PLXNA2: variants seen among roughly 807,000 people sequenced by gnomAD.
The protein encoded by PLXNA2 is plexin-A2.
In PLXNA2, 91 loss-of-function variants were observed where a neutral mutation model predicts 193.5. The ratio of observed to expected loss-of-function variants is 0.47; its 90% CI spans 0.40 to 0.56. The LOEUF (loss-of-function observed/expected upper bound fraction) is 0.56. Among genes scored for constraint, PLXNA2 ranks in the 20% least tolerant of loss-of-function variants. The pLI, the probability that PLXNA2 is intolerant of heterozygous loss-of-function variation, is 0.00. For missense variants in PLXNA2, 1,995 were observed against 2,503.2 expected (o/e 0.80, Z 4.33); for synonymous variants, 997 against 1,027.3 (o/e 0.97, Z 0.56).
chr1:208,152,054 CT>C (rs1409959470), intron 3 of PLXNA2, among the ~76,000 whole-genome samples: 1 of 152,210 alleles, frequency 6.6e-6, no homozygotes, highest in Non-Finnish European at 1.5e-5. Context: ...GGTTATTACT[CT>C]CTTTAATTAA....
intron 3 of PLXNA2, among the ~76,000 whole-genome samples, chr1:208,175,454 C>T (rs887101797): frequency 8.5e-5 from 13 of 152,140 alleles, no homozygotes; most frequent in African/African-American, 3.1e-4. Context: ...TGAACATGGA[C>T]ACAAAGGCTC....
chr1:208,169,814 TAC>T (rs955349617), intron 3 of PLXNA2, among the ~76,000 whole-genome samples: 2 of 152,088 alleles, frequency 1.3e-5, no homozygotes, highest in African/African-American at 4.8e-5. Flanking sequence ...ACTTATCTTC[TAC>T]AGTCTTGAGT....
At chr1:208,235,615 G>A (rs961939505) in intron 1 of PLXNA2, among the ~76,000 whole-genome samples, 6 of 152,162 alleles carry the variant, frequency 3.9e-5, no homozygotes, top group African/African-American at 1.2e-4. Flanking sequence ...GGTGAGCACC[G>A]GTCAACAGGT....
At chr1:208,074,651 C>T (rs60793800) in intron 12 of PLXNA2, among the ~76,000 whole-genome samples, 2,384 of 152,304 alleles carry the variant, frequency 0.016, 72 homozygotes, top group African/African-American at 0.054. Flanking sequence ...CGTGAGCCCA[C>T]TTCTTTTTCT....
intron 8 of PLXNA2, among the ~76,000 whole-genome samples, chr1:208,094,320 A>G (rs1571908606): frequency 6.6e-6 from 1 of 152,190 alleles, no homozygotes; most frequent in East Asian, 1.9e-4. Context: ...ACAGCAAATT[A>G]TTAAAAGGAG....
intron 1 of PLXNA2, among the ~76,000 whole-genome samples, chr1:208,219,692 GGCAGC>G (rs1671258921): frequency 6.6e-6 from 1 of 152,198 alleles, no homozygotes; most frequent in Non-Finnish European, 1.5e-5. Context: ...TCCTCGGCCT[GGCAGC>G]CACCGTGGTG....
intron 4 of PLXNA2, among the ~76,000 whole-genome samples, chr1:208,134,143 C>T: frequency 6.6e-6 from 1 of 152,128 alleles, no homozygotes; most frequent in East Asian, 1.9e-4. Context: ...AAATAAGAGG[C>T]TGGAGTTTTC....
chr1:208,054,199 C>T (rs980509645), intron 14 of PLXNA2, among the ~76,000 whole-genome samples: 2 of 152,272 alleles, frequency 1.3e-5, no homozygotes, highest in South Asian at 4.1e-4. Flanking sequence ...TCTGGGACTC[C>T]CAAGACTCCA....
chr1:208,102,695 C>A (rs1015756611), intron 5 of PLXNA2, among the ~76,000 whole-genome samples: 1 of 152,216 alleles, frequency 6.6e-6, no homozygotes, highest in African/African-American at 2.4e-5. Flanking sequence ...GAAACAGAGG[C>A]CTGGAGTTGT....
chr1:208,087,387 C>T (rs568859938), intron 9 of PLXNA2, among the ~76,000 whole-genome samples: 24 of 149,440 alleles, frequency 1.6e-4, no homozygotes, highest in African/African-American at 5.4e-4. Context: ...TTTATGAGTA[C>T]TATTACATGA....
At chr1:208,043,262 G>A in intron 20 of PLXNA2, 59 bp from the exon 21 acceptor site, 1 of 1,571,800 alleles carries the variant, frequency 6.4e-7, no homozygotes, top group South Asian at 1.1e-5. Context: ...GGAGGAGAAA[G>A]AGGGAGAAGA....
rs1402713075 is a variant in PLXNA2 at position 208,244,370 on chromosome 1, A to G, written c.-808T>C. On this transcript the variant is annotated 5_prime_UTR_variant, in exon 1 of 32. It removes an upstream start codon present in the reference 5' UTR. Coordinates refer to ENST00000367033, the MANE Select transcript of PLXNA2 (RefSeq NM_025179.4). ...TGAGCGCCGGCCTCCCTATTTCACC[A>G]TGCAGCTCATTATCATAGAGGCCGC... 3 of 172,456 alleles carry G rather than the reference A, an allele frequency of 1.7e-5. No individual in the cohort carries two copies. Among genetic ancestry groups the G allele is most frequent in the Non-Finnish European group, 3.6e-5 (3 of 83,580 alleles). 10.7% of individuals were successfully genotyped at this position (172,456 alleles called of 1,614,324 possible). A position where few individuals can be genotyped will look rare whatever the true frequency, so the allele number is the denominator to read the frequency against.
intron 1 of PLXNA2, among the ~76,000 whole-genome samples, chr1:208,238,132 T>TAGCC (rs1361791087): frequency 2.0e-5 from 3 of 151,382 alleles, no homozygotes; most frequent in Non-Finnish European, 2.9e-5. Context: ...CTAGGGTTCC[T>TAGCC]CTGTCAGAAG....
chr1:208,230,230 G>A (rs1382538542), intron 1 of PLXNA2: 2 of 152,388 alleles, frequency 1.3e-5, no homozygotes, highest in South Asian at 4.1e-4. Context: ...TAGCTCGAGA[G>A]ATTGGTGATC....
intron 11 of PLXNA2, among the ~76,000 whole-genome samples, chr1:208,080,001 A>G (rs1380760080): frequency 6.6e-6 from 1 of 152,230 alleles, no homozygotes; most frequent in African/African-American, 2.4e-5. Flanking sequence ...AATGAGGCTC[A>G]GGGAGAGATA....
intron 3 of PLXNA2, among the ~76,000 whole-genome samples, chr1:208,157,317 A>G (rs775720140): frequency 1.5e-4 from 23 of 152,314 alleles, no homozygotes; most frequent in Non-Finnish European, 2.8e-4. Flanking sequence ...GACAGTTATC[A>G]TTCCATGTTG....
At chr1:208,233,894 A>AG (rs960960541) in intron 1 of PLXNA2, among the ~76,000 whole-genome samples, 14 of 152,242 alleles carry the variant, frequency 9.2e-5, no homozygotes, top group East Asian at 5.8e-4. Flanking sequence ...GCTATTTAAA[A>AG]GGGGGGGTCT....
chr1:208,154,560 G>T (rs1214935371), intron 3 of PLXNA2, among the ~76,000 whole-genome samples: 1 of 152,146 alleles, frequency 6.6e-6, no homozygotes, highest in Non-Finnish European at 1.5e-5. Flanking sequence ...CTACACTAGG[G>T]CCAACTCAAA....
intron 3 of PLXNA2, among the ~76,000 whole-genome samples, chr1:208,171,898 A>G (rs537421084): frequency 6.6e-5 from 10 of 151,892 alleles, no homozygotes; most frequent in Middle Eastern, 3.4e-3. Flanking sequence ...TCTTACCCTA[A>G]TAGGATTATG....
Sources: allele counts gnomAD v4.1 joint callset (sites outside exome capture counted in the v4.1 genomes callset), GRCh38; gene constraint gnomAD v4.1.1; transcripts MANE v1.5; gene names NCBI Gene and HGNC (gene_info 2026-07-23, HGNC 2026-07-21).